The following IWS1 variants were observed in gnomAD, a reference collection of about 807,000 sequenced individuals.
The protein encoded by IWS1 is interacts with SUPT6H, CTD assembly factor 1.
In IWS1, 27 loss-of-function variants were observed where a neutral mutation model predicts 86.7. The observed-to-expected ratio is 0.31, with a 90% confidence interval of 0.23 to 0.43. IWS1 has a LOEUF of 0.43. Ranked by LOEUF, IWS1 falls within the 20% of genes least tolerant of loss-of-function variation. IWS1 has a pLI of 1.00. For missense variants in IWS1, 827 were observed against 1,000.8 expected, an observed-to-expected ratio of 0.83 and a Z score of 2.34; for synonymous variants, 313 against 335.1, an observed-to-expected ratio of 0.93 and a Z score of 0.72.
At chr2:127,519,706 G>C (rs1300699016) in intron 2 of IWS1, among the ~76,000 whole-genome samples, 6 of 152,188 alleles carry the variant, frequency 3.9e-5, no homozygotes, top group Non-Finnish European at 8.8e-5. Context: ...TTACATGCAA[G>C]GGACTGTGCA....
rs1426970214 is a variant in IWS1, at chr2:127,526,163, T to C, written c.34+12A>G. 3 of 1,597,468 alleles carry C rather than the reference T, an allele frequency of 1.9e-6. No individual in the cohort carries two copies. The African/African-American group carries it at 4.0e-5, about 21-fold the overall frequency. ...CCGCCTCCCAGCCCGGTCCCCCAGG[T>C]CCCTGCCCCACCTGACTGGTCGCCG... On this transcript the variant is annotated intron_variant, in intron 1 of 13. Transcript: ENST00000295321.
Position 127,526,356 on chromosome 2 carries a change from G to T in IWS1, c.-148C>A, listed in dbSNP as rs977862759. The T allele has an allele frequency of 2.0e-5, 31 of 1,537,158 alleles. No individual in the cohort carries two copies. Among genetic ancestry groups the T allele is most frequent in the Non-Finnish European group, 2.6e-5 (30 of 1,146,578 alleles). ...TAACGGGTGCGGAGGGTAAGAAAGC[G>T]GTAGCGGCAAAGGCGAATTCTTTGA... On this transcript the variant is annotated 5_prime_UTR_variant, in exon 1 of 14. Coordinates refer to ENST00000295321, the MANE Select transcript of IWS1 (RefSeq NM_017969.3).
At chr2:127,482,243 G>C (rs1033670894) in intron 13 of IWS1, 1 of 152,148 alleles carries the variant, frequency 6.6e-6, no homozygotes, top group African/African-American at 2.4e-5. Flanking sequence ...GGTGAGCTTT[G>C]GTGGAATCTT....
At chr2:127,508,545 T>C (rs565381877) in intron 2 of IWS1, among the ~76,000 whole-genome samples, 20 of 152,338 alleles carry the variant, frequency 1.3e-4, no homozygotes, top group African/African-American at 4.8e-4. Context: ...CATTTCTATG[T>C]GTGACTTGAT....
At position 127,489,434 on chromosome 2, in the gene IWS1, G is replaced by A. The variant is rs1006999235; in HGVS notation, c.2160-199C>T. On this transcript the variant is annotated intron_variant, in intron 11 of 13. Coordinates refer to ENST00000295321, the MANE Select transcript of IWS1 (RefSeq NM_017969.3). The surrounding 1 kb of genome is among the most constrained non-coding windows in gnomAD (Gnocchi z 4.8). Reference sequence around the variant, plus strand: ...TAACAGGTTTCCTTGTGGATGAGCCGTAATTGCCACATTTGTAACTAATGA... The same window carrying A: ...TAACAGGTTTCCTTGTGGATGAGCCATAATTGCCACATTTGTAACTAATGA... 9 of 564,850 alleles carry A rather than the reference G, an allele frequency of 1.6e-5. 1 individual carries two copies. Among genetic ancestry groups the A allele is most frequent in the South Asian group, 2.3e-5 (1 of 42,598 alleles). 35.0% of individuals were successfully genotyped at this position (564,850 alleles called of 1,614,324 possible).
chr2:127,499,267 T>C lies in IWS1; in HGVS notation c.1468-1030A>G, dbSNP rs185587720. On this transcript the variant is annotated intron_variant, in intron 5 of 13. Transcript: ENST00000295321. This position sits in a 1 kb window ranked among gnomAD's most constrained non-coding sequence, Gnocchi z 4.0. Reference sequence around the variant, plus strand: ...CACCATGCCCAGCTAATTTTTCGTATTTTTAGTAGAGATGGGGTTTCACCA... The same window carrying C: ...CACCATGCCCAGCTAATTTTTCGTACTTTTAGTAGAGATGGGGTTTCACCA... Among the ~76,000 whole-genome samples the C allele has an allele frequency of 3.3e-5, 5 of 150,412 alleles. No individual in the cohort carries two copies. The highest frequency in any genetic ancestry group is 1.3e-4 in the Admixed American group (2 of 15,252).
chr2:127,510,773 G>A (rs916252040), intron 2 of IWS1, among the ~76,000 whole-genome samples: 13 of 151,592 alleles, frequency 8.6e-5, no homozygotes, highest in African/African-American at 2.7e-4. Flanking sequence ...TTATAATAAT[G>A]ATGCAAACTC....
At chr2:127,510,278 T>C (rs1465301912) in intron 2 of IWS1, among the ~76,000 whole-genome samples, 1 of 152,166 alleles carries the variant, frequency 6.6e-6, no homozygotes, top group Non-Finnish European at 1.5e-5. Flanking sequence ...GTAAAATACA[T>C]AATGCTGTCA....
chr2:127,510,545 T>C (rs1691391935), intron 2 of IWS1, among the ~76,000 whole-genome samples: 1 of 152,194 alleles, frequency 6.6e-6, no homozygotes, highest in Non-Finnish European at 1.5e-5. Context: ...CAGGCTGAAG[T>C]GCAGTAGCAT....
chr2:127,491,829 G>C (rs1690242871), intron 10 of IWS1, 142 bp downstream of exon 10: 5 of 622,414 alleles, frequency 8.0e-6, no homozygotes, highest in African/African-American at 3.7e-5. Flanking sequence ...GCTAGTACCT[G>C]TAAGAAGTTA....
In IWS1 at chr2:127,498,148, T is replaced by C. The variant is rs1304462681; in HGVS notation, c.1557A>G (p.Arg519=). The change falls in exon 6 of 14, where the codon AGA becomes AGG. Residue 519 remains arginine (R), a synonymous_variant. Transcript: ENST00000295321. ...CTTAAAAACAAACTTACTGTTTTCCTCTCTTTATGTTATCATCAGAATCTG... is the reference window on the plus strand; with the variant it reads ...CTTAAAAACAAACTTACTGTTTTCCCCTCTTTATGTTATCATCAGAATCTG... The part of the protein sequence containing the change: ...EDSDSDDNIK[R]GKHMDFLSDF... The C allele has an allele frequency of 6.3e-7, 1 of 1,579,470 alleles. No individual in the cohort carries two copies. Among genetic ancestry groups the C allele is most frequent in the East Asian group, 2.2e-5 (1 of 44,600 alleles).
intron 10 of IWS1, among the ~76,000 whole-genome samples, chr2:127,490,416 G>C (rs997134288): frequency 6.6e-6 from 1 of 152,140 alleles, no homozygotes; most frequent in Non-Finnish European, 1.5e-5. Context: ...AGTGCGGGTG[G>C]AGACTTTGTA....
chr2:127,506,469 AG>A (rs1292730213), intron 2 of IWS1, among the ~76,000 whole-genome samples: 3 of 152,242 alleles, frequency 2.0e-5, no homozygotes, highest in Non-Finnish European at 4.4e-5. Flanking sequence ...GGGTTTTATA[AG>A]GTTAAGATTA....
intron 2 of IWS1, among the ~76,000 whole-genome samples, chr2:127,519,478 T>C (rs1249998834): frequency 1.3e-5 from 2 of 151,716 alleles, no homozygotes; most frequent in South Asian, 4.2e-4. Flanking sequence ...AAAGATTGTG[T>C]GTGTGTGTGT....
chr2:127,507,486 C>T (rs1486935588), intron 2 of IWS1, among the ~76,000 whole-genome samples: 7 of 152,142 alleles, frequency 4.6e-5, no homozygotes, highest in African/African-American at 9.7e-5. Flanking sequence ...GTATTAGATT[C>T]CTTGTCAGTC....
At chr2:127,522,281 C>T (rs12233101) in intron 2 of IWS1, among the ~76,000 whole-genome samples, 20,688 of 152,172 alleles carry the variant, frequency 0.14, 1,713 homozygotes, top group South Asian at 0.3. Context: ...TGCCTCCCTT[C>T]ACACCTTGGT....
At chr2:127,526,920 C>A (rs1412224384), upstream of IWS1, 24 of 293,850 alleles carry the variant, frequency 8.2e-5, 1 homozygote, top group Admixed American at 9.4e-4. Flanking sequence ...TACTAACTGG[C>A]GCGATCCACA....
intron 2 of IWS1, among the ~76,000 whole-genome samples, chr2:127,519,473 T>TTGTGTG (rs113667162): frequency 7.3e-4 from 109 of 150,052 alleles, no homozygotes; most frequent in African/African-American, 2.3e-3. Flanking sequence ...ATCTTAAAGA[T>TTGTGTG]TGTGTGTGTG....
rs974784241 is a variant in IWS1, at chr2:127,486,305, A to C, written c.2328+248T>G. On this transcript the variant is annotated intron_variant, in intron 13 of 13. Transcript: ENST00000295321. ...TTGAAGTAAAGGGATTAATAAGAAG[A>C]AACTTCCCTACCTGATAATGTTGAA... The C allele has an allele frequency of 1.5e-5, 5 of 324,558 alleles. No individual in the cohort carries two copies. In the Admixed American group the frequency reaches 2.0e-4, roughly 13 times the overall value. The allele number at this position is 324,558 out of a possible 1,614,324, so 20.1% of individuals were successfully genotyped here.
Sources: allele counts gnomAD v4.1 joint callset (sites outside exome capture counted in the v4.1 genomes callset), GRCh38; gene constraint gnomAD v4.1.1; non-coding constraint Gnocchi (gnomAD v3.1); transcripts MANE v1.5; gene names NCBI Gene and HGNC (gene_info 2026-07-23, HGNC 2026-07-21).